Variants in RUNX1T1 observed in about 807,000 individuals in gnomAD.
RUNX1T1 encodes protein CBFA2T1.
A neutral mutation model predicts 62.8 loss-of-function variants in RUNX1T1; 4 were observed. That is an observed-to-expected ratio of 0.06 (90% CI 0.03 to 0.15). The LOEUF (loss-of-function observed/expected upper bound fraction) is 0.15. Among genes scored for constraint, RUNX1T1 ranks in the 10% least tolerant of loss-of-function variants. RUNX1T1 has a pLI of 1.00. For missense variants in RUNX1T1, 508 were observed against 754.3 expected (o/e 0.67, Z 3.82); for synonymous variants, 291 against 286.0 (o/e 1.02, Z -0.18).
At position 92,082,736 on chromosome 8, in the gene RUNX1T1, T is replaced by C. The variant is rs186503933; in HGVS notation, c.-85-6599A>G. On this transcript the variant is annotated intron_variant, in intron 1 of 11. Transcript: ENST00000265814. ...TCAGTACCATCTGTGGTTCTGAAGC[T>C]GATTCATCAGGCAGTAGAGCAGCTG... is the stretch of plus-strand genomic sequence containing the variant. Among the ~76,000 whole-genome samples the C allele has an allele frequency of 5.3e-5, 8 of 152,326 alleles. No individual in the cohort carries two copies. The East Asian group carries it at 1.5e-3, about 29-fold the overall frequency.
chr8:92,071,936 T>C (rs536298986), intron 2 of RUNX1T1, among the ~76,000 whole-genome samples: 54 of 152,302 alleles, frequency 3.5e-4, no homozygotes, highest in Admixed American at 1.7e-3. Flanking sequence ...AAGTCCTGCC[T>C]ATAAAAACAT....
In RUNX1T1 at chr8:91,970,932, T is replaced by TG. The variant is rs911805545; in HGVS notation, c.1268-85_1268-84insC. The TG allele has an allele frequency of 4.5e-6, 5 of 1,104,186 alleles. No individual in the cohort carries two copies. In the African/African-American group the frequency reaches 8.1e-5, roughly 18 times the overall value. 68.4% of individuals were successfully genotyped at this position (1,104,186 alleles called of 1,614,324 possible). A position where few individuals can be genotyped will look rare whatever the true frequency, so the allele number is the denominator to read the frequency against. On this transcript the variant is annotated intron_variant, in intron 9 of 10. Coordinates refer to ENST00000396218, the Ensembl canonical transcript of RUNX1T1. ...TGGATACGGATTACTTTTCTTTTAATTTTTTTTTTCTTTCCGAGGCTGGTC... is the reference window on the plus strand; with the variant it reads ...TGGATACGGATTACTTTTCTTTTAATGTTTTTTTTTCTTTCCGAGGCTGGTC...
At chr8:91,955,296 A>G (rs1384034090), downstream of RUNX1T1, 5 of 224,306 alleles carry the variant, frequency 2.2e-5, no homozygotes, top group South Asian at 5.5e-4. Context: ...TTCCATTTCT[A>G]TCTGCTAGTT....
At chr8:92,050,191 GA>G (rs1830022871) in intron 1 of RUNX1T1, among the ~76,000 whole-genome samples, 1 of 152,100 alleles carries the variant, frequency 6.6e-6, no homozygotes, top group Non-Finnish European at 1.5e-5. Context: ...TCAGGGGGAG[GA>G]AAATCTAGGT....
At chr8:91,956,635 A>G (rs1354364264), downstream of RUNX1T1, 1 of 224,816 alleles carries the variant, frequency 4.4e-6, no homozygotes, top group African/African-American at 2.2e-5. Flanking sequence ...CACAGTTCAG[A>G]CATAGTAGAC....
chr8:91,967,564 T>C (rs1264056650), intron 10 of RUNX1T1, among the ~76,000 whole-genome samples: 2 of 152,102 alleles, frequency 1.3e-5, no homozygotes, highest in African/African-American at 4.8e-5. Context: ...GTTTTATACA[T>C]GTGAAAGAAA....
chr8:92,013,839 A>G (rs1822468449), intron 3 of RUNX1T1, among the ~76,000 whole-genome samples: 1 of 152,156 alleles, frequency 6.6e-6, no homozygotes, highest in South Asian at 2.1e-4. Context: ...TTTTTAACAA[A>G]AAAGAATTAG....
intron 1 of RUNX1T1, among the ~76,000 whole-genome samples, chr8:92,058,066 C>T (rs1176266351): frequency 6.6e-6 from 1 of 152,076 alleles, no homozygotes; most frequent in Admixed American, 6.5e-5. Context: ...CCCTATGTCC[C>T]TGACTCCTAA....
intron 1 of RUNX1T1, among the ~76,000 whole-genome samples, chr8:92,019,462 TAGGAGGAAAAAGAAG>T (rs569017303): frequency 1.4e-4 from 21 of 150,802 alleles, no homozygotes; most frequent in South Asian, 1.3e-3. Context: ...AATAAAGCAA[TAGGAGGAAAAAGAAG>T]AGGAGGAAAA....
chr8:92,049,783 C>T (rs1166539125), intron 1 of RUNX1T1, among the ~76,000 whole-genome samples: 1 of 152,144 alleles, frequency 6.6e-6, no homozygotes, highest in Admixed American at 6.5e-5. Context: ...CTCATAATCC[C>T]ACAATCCTTC....
intron 1 of RUNX1T1, among the ~76,000 whole-genome samples, chr8:92,037,705 A>T (rs571189117): frequency 2.6e-5 from 4 of 152,200 alleles, no homozygotes; most frequent in Admixed American, 2.6e-4. Flanking sequence ...AAGTAAAAAA[A>T]ATCCTCTGCT....
chr8:92,056,743 A>G (rs1033581390), intron 1 of RUNX1T1, among the ~76,000 whole-genome samples: 1 of 152,164 alleles, frequency 6.6e-6, no homozygotes, highest in African/African-American at 2.4e-5. Flanking sequence ...GATACCCACC[A>G]GTCTCACCAC....
chr8:92,034,215 A>G (rs1011920413), intron 1 of RUNX1T1, among the ~76,000 whole-genome samples: 3 of 152,156 alleles, frequency 2.0e-5, no homozygotes, highest in African/African-American at 7.2e-5. Flanking sequence ...GAATAAAAGA[A>G]TGAATATTAT....
exon 2 of RUNX1T1, chr8:92,076,135 T>C: frequency 6.5e-7 from 1 of 1,533,398 alleles, no homozygotes; most frequent in Non-Finnish European, 8.7e-7. Flanking sequence ...AGATCAATCT[T>C]TTCTATTGAC....
At chr8:92,075,270 A>T (rs901253971) in intron 2 of RUNX1T1, among the ~76,000 whole-genome samples, 1 of 152,186 alleles carries the variant, frequency 6.6e-6, no homozygotes, top group Non-Finnish European at 1.5e-5. Context: ...GCACAAGTCC[A>T]CTATCCACTA....
chr8:92,008,049 T>C (rs1199010193), intron 4 of RUNX1T1, among the ~76,000 whole-genome samples: 6 of 151,744 alleles, frequency 4.0e-5, no homozygotes, highest in East Asian at 1.9e-4. Flanking sequence ...GGGACTACCA[T>C]TGTACATGCA....
intron 8 of RUNX1T1, among the ~76,000 whole-genome samples, chr8:91,980,771 A>T (rs1384190700): frequency 6.6e-6 from 1 of 152,146 alleles, no homozygotes; most frequent in Non-Finnish European, 1.5e-5. Flanking sequence ...TCCTGGGCTC[A>T]AGGAATCCTC....
At chr8:91,964,525 C>T (rs1182160865) in intron 10 of RUNX1T1, among the ~76,000 whole-genome samples, 1 of 152,148 alleles carries the variant, frequency 6.6e-6, no homozygotes, top group African/African-American at 2.4e-5. Flanking sequence ...TTGCATTGCA[C>T]TTGACAATTT....
chr8:91,979,818 G>A (rs891491136), intron 8 of RUNX1T1: 107 of 530,032 alleles, frequency 2.0e-4, no homozygotes, highest in East Asian at 2.0e-4. Flanking sequence ...TGCAAGGGCC[G>A]CCATCAATAT....
Sources: gnomAD v4.1 joint callset for allele counts (sites outside exome capture counted in the v4.1 genomes callset) on GRCh38, gnomAD v4.1.1 for gene constraint, MANE v1.5 for transcripts, NCBI Gene and HGNC (gene_info 2026-07-23, HGNC 2026-07-21) for gene names.